Variants in L3HYPDH observed in about 807,000 individuals in gnomAD.
L3HYPDH encodes trans-L-3-hydroxyproline dehydratase.
Under a neutral mutation model 26.5 loss-of-function variants are expected in L3HYPDH, and 32 were observed. That is an observed-to-expected ratio of 1.21 (90% CI 0.91 to 1.62). L3HYPDH has a LOEUF of 1.62. Among genes scored for constraint, L3HYPDH ranks in the 40% most tolerant of loss-of-function variants. L3HYPDH has a pLI of 0.00. For synonymous variants in L3HYPDH, 215 were observed against 196.6 expected (o/e 1.09, Z -0.78); for missense variants, 554 against 476.4 (o/e 1.16, Z -1.52).
intron 4 of L3HYPDH, 71 bp from the exon 5 acceptor site, chr14:59,473,161 T>C: frequency 7.2e-7 from 1 of 1,397,752 alleles, no homozygotes; most frequent in Non-Finnish European, 9.6e-7. Context: ...AAAACTGTAC[T>C]CTTGACTTTT....
rs747168902 is a variant in L3HYPDH, at chr14:59,483,800, G to A, written c.508+9C>T. 2 of 1,591,448 alleles carry A rather than the reference G, an allele frequency of 1.3e-6. No homozygotes were observed. The highest frequency in any genetic ancestry group is 1.7e-5 in the Admixed American group (1 of 59,186). Reference sequence around the variant, plus strand: ...CTCTGCCCTGGGCTGGAAAGGTCCCGCCCATTACCTGTGGCCAGCACGAAG... The same window carrying A: ...CTCTGCCCTGGGCTGGAAAGGTCCCACCCATTACCTGTGGCCAGCACGAAG... On this transcript the variant is annotated intron_variant, in intron 1 of 4. Transcript: ENST00000247194.
At chr14:59,479,838 C>T (rs1376169479) in intron 1 of L3HYPDH, among the ~76,000 whole-genome samples, 1 of 152,160 alleles carries the variant, frequency 6.6e-6, no homozygotes, top group Non-Finnish European at 1.5e-5. Context: ...AAATTATATA[C>T]ACTTATCTAC....
chr14:59,486,457 G>A (rs1890580665), upstream of L3HYPDH, among the ~76,000 whole-genome samples: 1 of 152,158 alleles, frequency 6.6e-6, no homozygotes, highest in Admixed American at 6.5e-5. Context: ...TTTGAGTCCT[G>A]GAGATAGATC....
chr14:59,479,372 G>T lies in L3HYPDH; in HGVS notation c.509-21C>A, dbSNP rs1889859215. ...GAGATCTAAAAAAAAGATGTGTTTGGAAAGAAGATGTGTTTGTTAATAAGT... is the reference window on the plus strand; with the variant it reads ...GAGATCTAAAAAAAAGATGTGTTTGTAAAGAAGATGTGTTTGTTAATAAGT... On this transcript the variant is annotated intron_variant, in intron 1 of 4. Coordinates refer to ENST00000247194, the MANE Select transcript of L3HYPDH (RefSeq NM_144581.2). 3 of 1,600,356 alleles carry T rather than the reference G, an allele frequency of 1.9e-6. No homozygotes were observed. The South Asian group carries it at 3.4e-5, about 18-fold the overall frequency.
intron 1 of L3HYPDH, among the ~76,000 whole-genome samples, chr14:59,465,581 GCAAA>G (rs1889142735): frequency 6.6e-6 from 1 of 152,238 alleles, no homozygotes; most frequent in Non-Finnish European, 1.5e-5. Flanking sequence ...CGACTGGCAT[GCAAA>G]CAAATGACCA....
At chr14:59,483,631 A>G in intron 1 of L3HYPDH, 178 bp downstream of exon 1, 1 of 1,435,918 alleles carries the variant, frequency 7.0e-7, no homozygotes, top group Middle Eastern at 1.8e-4. Flanking sequence ...AATCGAAATT[A>G]CACGCACCAA....
the L3HYPDH span, among the ~76,000 whole-genome samples, chr14:59,497,852 G>A: frequency 6.6e-6 from 1 of 152,264 alleles, no homozygotes; most frequent in Admixed American, 6.5e-5. Context: ...CATGTGGTCC[G>A]TGATCTGAAA....
upstream of L3HYPDH, chr14:59,486,622 C>G (rs1566572715): frequency 1.2e-6 from 1 of 844,992 alleles, no homozygotes; most frequent in East Asian, 2.7e-5. Flanking sequence ...AAATTTGAAA[C>G]TGTTATTTTT....
chr14:59,483,205 G>C (rs962213022), intron 1 of L3HYPDH, among the ~76,000 whole-genome samples: 15 of 152,208 alleles, frequency 9.9e-5, no homozygotes, highest in African/African-American at 3.6e-4. Context: ...GAGAGATTAA[G>C]TAATTTGCCT....
At chr14:59,502,565 T>C in the L3HYPDH span, among the ~76,000 whole-genome samples, 72 of 152,252 alleles carry the variant, frequency 4.7e-4, no homozygotes, top group Non-Finnish European at 8.1e-4. Context: ...ACAGAATATT[T>C]TTATAGTGAT....
chr14:59,483,945 G>C lies in L3HYPDH; in HGVS notation c.372C>G (p.Pro124=). 8.3e-6 allele frequency: 13 copies of C among 1,557,642 alleles called. No individual in the cohort carries two copies. Among genetic ancestry groups the C allele is most frequent in the Non-Finnish European group, 1.0e-5 (12 of 1,157,370 alleles). Residue 124 remains proline (P), a synonymous_variant, in exon 1 of 5, where the codon CCC becomes CCG. Coordinates refer to ENST00000247194, the MANE Select transcript of L3HYPDH (RefSeq NM_144581.2). ...CGCGGGCCTCGCGGGTGCCCGCAGG[G>C]GGCGCCGGCACAAGCCCGAAGTCCA... The part of the protein sequence containing the change: ...FALDFGLVPA[P]PAGTREARVN...
Position 59,472,614 on chromosome 14 carries a change from A to C in L3HYPDH, c.*351T>G, listed in dbSNP as rs1305786203. On this transcript the variant is annotated 3_prime_UTR_variant, in exon 5 of 5. Transcript: ENST00000247194. Reference sequence around the variant, plus strand: ...ATAATGAGCTTGTAAAGTTCAGTTAAATTCCACATATTATTCGAAGAGCCT... The same window carrying C: ...ATAATGAGCTTGTAAAGTTCAGTTACATTCCACATATTATTCGAAGAGCCT... 1.2e-5 allele frequency: 2 copies of C among 166,022 alleles called. No individual in the cohort carries two copies. The highest frequency in any genetic ancestry group is 2.6e-5 in the Non-Finnish European group (2 of 77,814). The allele number at this position is 166,022 out of a possible 1,614,324, so 10.3% of individuals were successfully genotyped here.
At chr14:59,499,485 T>G in the L3HYPDH span, among the ~76,000 whole-genome samples, 1 of 152,236 alleles carries the variant, frequency 6.6e-6, no homozygotes, top group African/African-American at 2.4e-5. Flanking sequence ...TTTATTTTAA[T>G]GTAACCATTA....
chr14:59,467,070 A>G (rs2139788478), intron 1 of L3HYPDH, among the ~76,000 whole-genome samples: 1 of 152,344 alleles, frequency 6.6e-6, no homozygotes, highest in East Asian at 1.9e-4. Flanking sequence ...AACATATAAG[A>G]TAGGAAACCC....
At chr14:59,468,697 T>C (rs912425969), downstream of L3HYPDH, among the ~76,000 whole-genome samples, 2 of 152,246 alleles carry the variant, frequency 1.3e-5, no homozygotes. Flanking sequence ...GTTTATTTTA[T>C]GAGATCCCCA....
At chr14:59,471,774 A>T (rs967692069), downstream of L3HYPDH, among the ~76,000 whole-genome samples, 37 of 151,996 alleles carry the variant, frequency 2.4e-4, no homozygotes, top group African/African-American at 8.9e-4. Context: ...TTCTGTTTTT[A>T]TTTTTTTTAA....
intron 1 of L3HYPDH, chr14:59,483,387 G>C (rs572216399): frequency 2.4e-6 from 1 of 421,880 alleles, no homozygotes; most frequent in East Asian, 1.3e-4. Context: ...ACCAGGTTTA[G>C]TAACTTATTA....
At chr14:59,501,544 C>G in the L3HYPDH span, among the ~76,000 whole-genome samples, 1 of 152,196 alleles carries the variant, frequency 6.6e-6, no homozygotes, top group Non-Finnish European at 1.5e-5. Context: ...ATGTAGCAAA[C>G]ATATAATTAT....
At chr14:59,493,159 G>A in the L3HYPDH span, among the ~76,000 whole-genome samples, 5 of 152,108 alleles carry the variant, frequency 3.3e-5, no homozygotes, top group African/African-American at 1.2e-4. Context: ...ATGAGAAACC[G>A]ATTCACAGAT....
Sources: allele counts gnomAD v4.1 joint callset (sites outside exome capture counted in the v4.1 genomes callset), GRCh38; gene constraint gnomAD v4.1.1; transcripts MANE v1.5; gene names NCBI Gene and HGNC (gene_info 2026-07-23, HGNC 2026-07-21).